Variants in SRRM2 observed in about 807,000 individuals in gnomAD.
SRRM2 encodes the protein serine/arginine repetitive matrix 2, also known as serine/arginine repetitive matrix protein 2.
In SRRM2, 30 loss-of-function variants were observed where a neutral mutation model predicts 213.8. That is an observed-to-expected ratio of 0.14 (90% CI 0.10 to 0.19). SRRM2 has a LOEUF of 0.19. Among genes scored for constraint, SRRM2 ranks in the 10% least tolerant of loss-of-function variants. The probability of loss-of-function intolerance (pLI) is 1.00; values close to 1 mark genes in which losing one functional copy is unlikely to be tolerated. For synonymous variants in SRRM2, 2,025 were observed against 1,377.7 expected (o/e 1.47, Z -10.40); for missense variants, 4,904 against 3,647.0 (o/e 1.34, Z -8.88).
At chr16:2,770,749 CG>C (rs760582990) in intron 14 of SRRM2, 32 bp downstream of exon 14, 85 of 1,589,520 alleles carry the variant, frequency 5.3e-5, no homozygotes, top group Non-Finnish European at 7.2e-5. Flanking sequence ...TGCCCCCTTC[CG>C]GGAGCCAGTT....
At position 2,769,645 on chromosome 16, in the gene SRRM2, C is replaced by T. The variant is rs553615056; in HGVS notation, c.8021+361C>T. 138 of 556,898 alleles carry T rather than the reference C, an allele frequency of 2.5e-4. 1 individual carries two copies. The East Asian group carries it at 3.7e-3, about 15-fold the overall frequency. 34.5% of individuals were successfully genotyped at this position (556,898 alleles called of 1,614,324 possible). ...GTCCACAGCCTCCTCCCTGTCTCCC[C>T]GTCTCCACGCCATTCTCTTCCACAT... is the stretch of plus-strand genomic sequence containing the variant. On this transcript the variant is annotated intron_variant, in intron 12 of 14. Transcript: ENST00000301740.
chr16:2,756,860 C>T (rs944637250), intron 2 of SRRM2, among the ~76,000 whole-genome samples: 1 of 151,898 alleles, frequency 6.6e-6, no homozygotes, highest in African/African-American at 2.4e-5. Flanking sequence ...AGGGAGGGGC[C>T]ATTGAGGAAC....
In SRRM2 at chr16:2,765,493, C is replaced by T. The variant is rs527962652; in HGVS notation, c.4965C>T (p.Thr1655=). 8 of 1,614,124 alleles carry T rather than the reference C, an allele frequency of 5.0e-6. 1 individual carries two copies. The highest frequency in any genetic ancestry group is 3.3e-5 in the Admixed American group (2 of 60,016). ...CTTCTCCTGAAGGAAGCAGCAGTAC[C>T]GAGTCCTCTCCTGAACATCCGCCCA... ...RGPSPEGSSS[T]ESSPEHPPKS... Residue 1655 remains threonine (T), a synonymous_variant, in exon 11 of 15, where the codon ACC becomes ACT. Coordinates refer to ENST00000301740, the MANE Select transcript of SRRM2 (RefSeq NM_016333.4).
Position 2,764,311 on chromosome 16 carries a change from A to G in SRRM2, c.3783A>G (p.Lys1261=). Residue 1261 remains lysine (K), a synonymous_variant, in exon 11 of 15, where the codon AAA becomes AAG. Coordinates refer to ENST00000301740, the MANE Select transcript of SRRM2 (RefSeq NM_016333.4). ...TGTCTCATTTGTCTTCAGAACTTAA[A>G]GAAATGTCCACAAGTAACTTTGAAT... ...QILSHLSSEL[K]EMSTSNFESS... is the part of the protein sequence containing the mutation. The G allele has an allele frequency of 6.2e-7, 1 of 1,614,216 alleles. No individual in the cohort carries two copies. Among genetic ancestry groups the G allele is most frequent in the Non-Finnish European group, 8.5e-7 (1 of 1,180,040 alleles).
intron 5 of SRRM2, 119 bp from the exon 6 acceptor site, chr16:2,758,866 G>A (rs2068240235): frequency 3.8e-6 from 4 of 1,061,850 alleles, no homozygotes; most frequent in Non-Finnish European, 5.5e-6. Context: ...TTAGGTCTGG[G>A]GCATTAGTGC....
intron 11 of SRRM2, 85 bp downstream of exon 11, chr16:2,768,346 A>G (rs2068617974): frequency 4.8e-6 from 7 of 1,449,522 alleles, no homozygotes; most frequent in African/African-American, 1.4e-5. Flanking sequence ...ACCATGTCAC[A>G]GGTGCTTGGC....
chr16:2,754,428 A>G (rs1029651462), intron 1 of SRRM2, among the ~76,000 whole-genome samples: 3 of 151,874 alleles, frequency 2.0e-5, no homozygotes, highest in African/African-American at 7.3e-5. Context: ...GGAGTTGCTG[A>G]GATTACAGGC....
intron 12 of SRRM2, chr16:2,770,068 C>T (rs867175638): frequency 6.6e-6 from 8 of 1,218,134 alleles, no homozygotes; most frequent in Non-Finnish European, 8.7e-6. Context: ...ACATCCAGCC[C>T]TGCTTCCCAC....
chr16:2,770,910 A>G lies in SRRM2; in HGVS notation c.*43A>G, dbSNP rs369931529. 6.2e-7 allele frequency: 1 copy of G among 1,612,682 alleles called. No homozygotes were observed. Among genetic ancestry groups the G allele is most frequent in the African/African-American group, 1.3e-5 (1 of 75,012 alleles). ...CCACCACACCCAATGCTCTGGAGCC[A>G]CAAGGAGTGTCCCTTCTTCCCCAGC... On this transcript the variant is annotated 3_prime_UTR_variant, in exon 15 of 15. Transcript: ENST00000301740.
Position 2,757,518 on chromosome 16 carries a change from A to T in SRRM2, c.289A>T (p.Met97Leu), listed in dbSNP as rs776559710. The change falls in exon 3 of 15, where the codon ATG becomes TTG. Residue 97 changes from methionine to leucine, a missense_variant. Physicochemically the swap from Met to Leu is conservative, Grantham distance 15 (BLOSUM62 2). Coordinates refer to ENST00000301740, the MANE Select transcript of SRRM2 (RefSeq NM_016333.4). ...GGAAAAAGTGGCGACCTTTCGACTC[A>T]TGTTGCTGGAGAAGGATGTGAACCC... is the stretch of plus-strand genomic sequence containing the variant. Reference protein sequence around the residue: ...IQEKVATFRLMLLEKDVNPGG... With the variant: ...IQEKVATFRLLLLEKDVNPGG... 6.2e-7 allele frequency: 1 copy of T among 1,614,100 alleles called. No homozygotes were observed. The highest frequency in any genetic ancestry group is 1.1e-5 in the South Asian group (1 of 91,084).
rs765045920 is a variant in SRRM2, at chr16:2,768,010, C to G, written c.7482C>G (p.Leu2494=). The G allele has an allele frequency of 7.4e-6, 12 of 1,614,098 alleles. No homozygotes were observed. In the African/African-American group the frequency reaches 1.1e-4, roughly 14 times the overall value. The change falls in exon 11 of 15, where the codon CTC becomes CTG. Residue 2494 remains leucine, a synonymous_variant. Coordinates refer to ENST00000301740, the MANE Select transcript of SRRM2 (RefSeq NM_016333.4). ...CTGCTGGTGATCACAATGGCATGCT[C>G]TCTGTCCCTGCCCCTGGGGTGCCCC... ...TSSAGDHNGM[L]SVPAPGVPHS...
chr16:2,757,031 C>T (rs1466536554), intron 2 of SRRM2, among the ~76,000 whole-genome samples: 10 of 151,958 alleles, frequency 6.6e-5, no homozygotes, highest in Non-Finnish European at 1.2e-4. Context: ...TAGAAGAATA[C>T]GTGAAGAAGT....
rs760242799 is a variant in SRRM2 at position 2,764,992 on chromosome 16, T to G, written c.4464T>G (p.Ala1488=). Residue 1488 remains alanine (A), a synonymous_variant, in exon 11 of 15, where the codon GCT becomes GCG. Coordinates refer to ENST00000301740, the MANE Select transcript of SRRM2 (RefSeq NM_016333.4). ...SECDSSPEPK[A]LPQTPRPRSR... The stretch of plus-strand genomic sequence containing the variant: ...GTGATTCTTCCCCAGAACCGAAAGC[T>G]TTGCCTCAGACTCCTAGGCCGAGGA... The G allele has an allele frequency of 6.2e-7, 1 of 1,614,018 alleles. No homozygotes were observed. The highest frequency in any genetic ancestry group is 1.1e-5 in the South Asian group (1 of 91,080).
rs1202247087 is a variant in SRRM2 at position 2,766,625 on chromosome 16, C to G, written c.6097C>G (p.Arg2033Gly). The change falls in exon 11 of 15, where the codon CGA (arginine) becomes GGA (glycine). Residue 2033 changes from arginine (R) to glycine (G), a missense_variant. Physicochemically the swap from Arg to Gly is moderately radical, Grantham distance 125 (BLOSUM62 -2). Coordinates refer to ENST00000301740, the MANE Select transcript of SRRM2 (RefSeq NM_016333.4). This position sits in a 1 kb window ranked among gnomAD's most constrained non-coding sequence, Gnocchi z 7.0. Reference protein sequence around the residue: ...PPAIRRRSRSRTPLLPRKRSR... With the variant: ...PPAIRRRSRSGTPLLPRKRSR... ...AGCTATTCGGCGCCGCTCTAGATCTCGAACGCCACTGTTACCACGCAAACG... is the reference window on the plus strand; with the variant it reads ...AGCTATTCGGCGCCGCTCTAGATCTGGAACGCCACTGTTACCACGCAAACG... 6.2e-7 allele frequency: 1 copy of G among 1,613,760 alleles called. No homozygotes were observed.
intron 12 of SRRM2, chr16:2,769,589 G>C (rs1358541390): frequency 1.6e-6 from 1 of 635,848 alleles, no homozygotes; most frequent in African/African-American, 1.8e-5. Context: ...CCAGGGCTCT[G>C]GTCTGGCCAC....
rs748927151 is a variant in SRRM2 at position 2,768,172 on chromosome 16, G to A, written c.7644G>A (p.Ser2548=). The A allele has an allele frequency of 2.8e-5, 45 of 1,594,640 alleles. No individual in the cohort carries two copies. The highest frequency in any genetic ancestry group is 1.5e-4 in the Admixed American group (9 of 59,266). ...CTAGCTCCTCCTCTTCTTCATCATCGTCGTCGTCGTCCTCCTCCTCCTCTG... is the reference window on the plus strand; with the variant it reads ...CTAGCTCCTCCTCTTCTTCATCATCATCGTCGTCGTCCTCCTCCTCCTCTG... ...SSSSSSSSSS[S]SSSSSSSSGS... is the part of the protein sequence containing the mutation. The change falls in exon 11 of 15, where the codon TCG becomes TCA. Residue 2548 remains serine, a synonymous_variant. Coordinates refer to ENST00000301740, the MANE Select transcript of SRRM2 (RefSeq NM_016333.4).
At position 2,768,343 on chromosome 16, in the gene SRRM2, C is replaced by G. The variant is rs571388442; in HGVS notation, c.7733+82C>G. ...GGGAGTGGGGAGGGAGAAACCATGT[C>G]ACAGGTGCTTGGCTCTTGGAGGAGG... On this transcript the variant is annotated intron_variant, in intron 11 of 14. Transcript: ENST00000301740. The G allele has an allele frequency of 5.8e-5, 84 of 1,456,172 alleles. No individual in the cohort carries two copies. The East Asian group carries it at 1.8e-3, about 31-fold the overall frequency. The allele number at this position is 1,456,172 out of a possible 1,614,324, so 90.2% of individuals were successfully genotyped here.
At position 2,769,981 on chromosome 16, in the gene SRRM2, A is replaced by C. The variant is rs1248389053; in HGVS notation, c.8022-371A>C. On this transcript the variant is annotated intron_variant, in intron 12 of 14. Transcript: ENST00000301740. ...CGTTCTGCAAGACTCCGCTCAAAAC[A>C]GCACCTTCGAGAAGACTGCCCTGCC... 4 of 472,826 alleles carry C rather than the reference A, an allele frequency of 8.5e-6. No individual in the cohort carries two copies. In the Admixed American group the frequency reaches 1.1e-4, roughly 13 times the overall value. The allele number at this position is 472,826 out of a possible 1,614,324, so 29.3% of individuals were successfully genotyped here.
chr16:2,757,756 A>C (rs202041701), intron 3 of SRRM2, 25 bp from the exon 4 acceptor site: 1 of 1,611,030 alleles, frequency 6.2e-7, no homozygotes, highest in Non-Finnish European at 8.5e-7. Flanking sequence ...TATTTCCTTC[A>C]GACTTTTGCC....
Sources: gnomAD v4.1 joint callset for allele counts (sites outside exome capture counted in the v4.1 genomes callset) on GRCh38, gnomAD v4.1.1 for gene constraint, Gnocchi (gnomAD v3.1) non-coding constraint, MANE v1.5 for transcripts, NCBI Gene and HGNC (gene_info 2026-07-23, HGNC 2026-07-21) for gene names.